CDK19: variants seen among roughly 807,000 people sequenced by gnomAD.
The protein encoded by CDK19 is cyclin-dependent kinase 19.
A neutral mutation model predicts 68.3 loss-of-function variants in CDK19; 20 were observed. The observed-to-expected ratio is 0.29, with a 90% CI of 0.21 to 0.43. The LOEUF (loss-of-function observed/expected upper bound fraction) is 0.43. CDK19 is among the 20% of genes least tolerant of loss of function. CDK19 has a pLI of 1.00. For synonymous variants in CDK19, 221 were observed against 222.8 expected (o/e 0.99, Z 0.07); for missense variants, 339 against 623.5 (o/e 0.54, Z 4.86).
chr6:110,668,762 G>A (rs961847588), intron 3 of CDK19, among the ~76,000 whole-genome samples: 2 of 151,854 alleles, frequency 1.3e-5, no homozygotes, highest in African/African-American at 4.8e-5. Flanking sequence ...AACCCAGAAG[G>A]CGGAGGTTGC....
chr6:110,760,713 G>A (rs185230746), intron 1 of CDK19, among the ~76,000 whole-genome samples: 259 of 152,294 alleles, frequency 1.7e-3, no homozygotes, highest in African/African-American at 5.5e-3. Context: ...GGGCGACAGG[G>A]CGAGACCTTG....
At chr6:110,660,342 G>A (rs1229957858) in intron 4 of CDK19, among the ~76,000 whole-genome samples, 1 of 152,098 alleles carries the variant, frequency 6.6e-6, no homozygotes, top group East Asian at 1.9e-4. Context: ...CTCTGTGCGG[G>A]GCCCATGGCA....
intron 1 of CDK19, among the ~76,000 whole-genome samples, chr6:110,782,562 A>G (rs1441322216): frequency 6.6e-6 from 1 of 152,216 alleles, no homozygotes; most frequent in Non-Finnish European, 1.5e-5. Context: ...AAAACTATAC[A>G]GCAAACTGTT....
intron 8 of CDK19, among the ~76,000 whole-genome samples, chr6:110,626,122 C>T (rs1348476568): frequency 6.6e-6 from 1 of 152,130 alleles, no homozygotes; most frequent in African/African-American, 2.4e-5. Flanking sequence ...AAGATAAAAC[C>T]ACAACTGTGG....
At chr6:110,631,302 T>C (rs1225104102) in intron 6 of CDK19, among the ~76,000 whole-genome samples, 4 of 152,166 alleles carry the variant, frequency 2.6e-5, no homozygotes, top group Non-Finnish European at 5.9e-5. Flanking sequence ...TCCTTTTCCT[T>C]CCTTTAAAGA....
In CDK19 at chr6:110,784,692, AT is replaced by A. The variant is rs1781074293; in HGVS notation, c.128+30316del. Among the ~76,000 whole-genome samples the A allele has an allele frequency of 2.0e-5, 3 of 152,166 alleles. No homozygotes were observed. In the South Asian group the frequency reaches 6.2e-4, roughly 31 times the overall value. On this transcript the variant is annotated intron_variant, in intron 1 of 12. Transcript: ENST00000368911. The stretch of plus-strand genomic sequence containing the variant: ...AACAAAAACTTCTACAAAAATATTC[AT>A]ACCAGCATTAATCATAATAGCCTAA...
intron 1 of CDK19, among the ~76,000 whole-genome samples, chr6:110,786,969 A>G (rs1248179538): frequency 6.6e-6 from 1 of 152,158 alleles, no homozygotes; most frequent in Non-Finnish European, 1.5e-5. Flanking sequence ...ACAATGGTAC[A>G]ATTCTATCCT....
At chr6:110,757,146 C>G (rs1482753171) in intron 1 of CDK19, among the ~76,000 whole-genome samples, 4 of 152,154 alleles carry the variant, frequency 2.6e-5, no homozygotes, top group Admixed American at 2.6e-4. Context: ...GAAAAGGACC[C>G]ATGGGCTTCC....
chr6:110,650,754 C>T (rs1374963419), intron 4 of CDK19, among the ~76,000 whole-genome samples: 1 of 151,920 alleles, frequency 6.6e-6, no homozygotes, highest in Non-Finnish European at 1.5e-5. Flanking sequence ...GAGAATAGAA[C>T]GGGTCAGGAA....
chr6:110,753,344 T>C (rs377749529), intron 1 of CDK19, among the ~76,000 whole-genome samples: 22 of 152,218 alleles, frequency 1.4e-4, no homozygotes, highest in African/African-American at 4.6e-4. Context: ...ATTTTAGAAA[T>C]CTCTATTAGT....
At chr6:110,768,006 A>AGCCCTCCTT (rs1468693315) in intron 1 of CDK19, among the ~76,000 whole-genome samples, 3 of 152,214 alleles carry the variant, frequency 2.0e-5, no homozygotes, top group Non-Finnish European at 4.4e-5. Flanking sequence ...GAAAACAGAC[A>AGCCCTCCTT]GCCCTCCTTT....
intron 12 of CDK19, among the ~76,000 whole-genome samples, chr6:110,616,529 A>G (rs1778320635): frequency 6.6e-6 from 1 of 151,950 alleles, no homozygotes; most frequent in Non-Finnish European, 1.5e-5. Context: ...TTAGCCAGGC[A>G]TGGTGGTGGG....
intron 1 of CDK19, chr6:110,814,582 G>A (rs1397450722): frequency 8.7e-6 from 4 of 458,276 alleles, no homozygotes; most frequent in African/African-American, 6.0e-5. Context: ...CCGCCCCCGC[G>A]AGGCGCTCAG....
At position 110,622,853 on chromosome 6, in the gene CDK19, C is replaced by T. The variant is rs777332838; in HGVS notation, c.993G>A (p.Gln331=). 1.2e-6 allele frequency: 2 copies of T among 1,613,640 alleles called. No individual in the cohort carries two copies. The highest frequency in any genetic ancestry group is 2.2e-5 in the East Asian group (1 of 44,882). ...TKRITSEQAL[Q]DPYFQEDPLP... is the part of the protein sequence containing the mutation. The stretch of plus-strand genomic sequence containing the variant: ...AAGGGTCCTCCTGAAAATAGGGATC[C>T]TGCAGAGCTTGCTCCGAGGTAATTC... Residue 331 remains glutamine (Q), a synonymous_variant, in exon 10 of 13, where the codon CAG becomes CAA. Transcript: ENST00000368911.
intron 2 of CDK19, among the ~76,000 whole-genome samples, chr6:110,701,355 A>C (rs1562211440): frequency 6.6e-6 from 1 of 151,204 alleles, no homozygotes; most frequent in African/African-American, 2.4e-5. Flanking sequence ...ATCCTGGCTA[A>C]CACAGTGAAA....
intron 2 of CDK19, among the ~76,000 whole-genome samples, chr6:110,734,188 T>G (rs1776996292): frequency 6.6e-6 from 1 of 152,070 alleles, no homozygotes; most frequent in Non-Finnish European, 1.5e-5. Flanking sequence ...TTTTGTATTT[T>G]TAGTAGAGAT....
At chr6:110,630,744 C>T (rs927567812) in intron 6 of CDK19, among the ~76,000 whole-genome samples, 5 of 152,230 alleles carry the variant, frequency 3.3e-5, no homozygotes, top group African/African-American at 1.2e-4. Flanking sequence ...GTCACTCTCA[C>T]ATTTCTCTAC....
intron 2 of CDK19, among the ~76,000 whole-genome samples, chr6:110,705,469 C>T (rs1240812170): frequency 6.6e-6 from 1 of 152,034 alleles, no homozygotes; most frequent in African/African-American, 2.4e-5. Flanking sequence ...ACTTGGGAGT[C>T]ATAAACATAG....
chr6:110,650,004 T>A (rs551569896), intron 4 of CDK19, among the ~76,000 whole-genome samples: 42 of 152,230 alleles, frequency 2.8e-4, no homozygotes, highest in African/African-American at 8.9e-4. Flanking sequence ...TACAATTTTT[T>A]AAAAAAATTG....
Sources: gnomAD v4.1 joint callset for allele counts (sites outside exome capture counted in the v4.1 genomes callset) on GRCh38, gnomAD v4.1.1 for gene constraint, MANE v1.5 for transcripts, NCBI Gene and HGNC (gene_info 2026-07-23, HGNC 2026-07-21) for gene names.